Variants in SLC39A6 observed in about 807,000 individuals in gnomAD.
The protein encoded by SLC39A6 is solute carrier family 39 member 6.
Under a neutral mutation model 63.5 loss-of-function variants are expected in SLC39A6, and 51 were observed. That is an observed-to-expected ratio of 0.80 (90% CI 0.64 to 1.01). SLC39A6 has a LOEUF of 1.01. Ranked by LOEUF, SLC39A6 falls within the 50% of genes least tolerant of loss-of-function variation. The pLI is 0.00. For synonymous variants in SLC39A6, 318 were observed against 324.7 expected (o/e 0.98, Z 0.22); for missense variants, 805 against 927.8 (o/e 0.87, Z 1.72).
At chr18:36,120,895 AT>A (rs540153154) in intron 5 of SLC39A6, among the ~76,000 whole-genome samples, 35 of 151,434 alleles carry the variant, frequency 2.3e-4, no homozygotes, top group Non-Finnish European at 3.1e-4. Context: ...CACTGAATAA[AT>A]TTTTTTTTTA....
At chr18:36,110,045 G>A (rs2089288881) in intron 9 of SLC39A6, among the ~76,000 whole-genome samples, 1 of 152,144 alleles carries the variant, frequency 6.6e-6, no homozygotes, top group South Asian at 2.1e-4. Context: ...GTTACTGGCT[G>A]CATATCTGAA....
rs1184393320 is a variant in SLC39A6 at position 36,122,041 on chromosome 18, CT to C, written c.1359+10del. On this transcript the variant is annotated intron_variant, in intron 5 of 9. Transcript: ENST00000269187. ...TGAAGCATAGTAAGTACTCGGTATA[CT>C]TTTTCTTACCTTTTTCTTCTTATCT... The C allele has an allele frequency of 5.1e-6, 8 of 1,580,710 alleles. No homozygotes were observed. In the African/African-American group the frequency reaches 1.1e-4, roughly 21 times the overall value.
chr18:36,114,228 T>C lies in SLC39A6; in HGVS notation c.1712A>G (p.Gln571Arg), dbSNP rs759315118. 4.3e-6 allele frequency: 7 copies of C among 1,614,154 alleles called. 1 individual carries two copies. In the South Asian group the frequency reaches 7.7e-5, roughly 18 times the overall value. ...YHHILHHHHH[Q>R]NHHPHSHSQR... ...GCTGTGACTGTGAGGATGGTGGTTT[T>C]GGTGGTGGTGATGATGGAGAATATG... The change falls in exon 7 of 10, where the codon CAA (glutamine) becomes CGA (arginine). Residue 571 changes from glutamine to arginine, a missense_variant. Gln to Arg is a conservative substitution (Grantham distance 43). Coordinates refer to ENST00000269187, the MANE Select transcript of SLC39A6 (RefSeq NM_012319.4).
At chr18:36,116,611 T>A in intron 6 of SLC39A6, 63 bp downstream of exon 6, 1 of 1,130,588 alleles carries the variant, frequency 8.8e-7, no homozygotes, top group Non-Finnish European at 1.3e-6. Flanking sequence ...GATAGTCAAG[T>A]TGCCTGCAAA....
At position 36,126,257 on chromosome 18, in the gene SLC39A6, A is replaced by C. The variant is rs1489825871; in HGVS notation, c.751T>G (p.Phe251Val). The change falls in exon 2 of 10, where the codon TTT becomes GTT. Residue 251 changes from phenylalanine to valine, a missense_variant. By Grantham distance (50) the Phe-to-Val change is conservative. Coordinates refer to ENST00000269187, the MANE Select transcript of SLC39A6 (RefSeq NM_012319.4). ...TCATTTGTGTTTCTGGAATACATAA[A>C]GCCTTTTCGGGGCTCACTCACAGAT... Reference protein sequence around the residue: ...NESVSEPRKGFMYSRNTNENP... With the variant: ...NESVSEPRKGVMYSRNTNENP... 3 of 1,614,108 alleles carry C rather than the reference A, an allele frequency of 1.9e-6. No individual in the cohort carries two copies. The highest frequency in any genetic ancestry group is 2.5e-6 in the Non-Finnish European group (3 of 1,180,050).
At chr18:36,112,657 GTAACAAGAAAA>G in intron 7 of SLC39A6, 76 bp from the exon 8 acceptor site, 1 of 1,081,584 alleles carries the variant, frequency 9.2e-7, no homozygotes, top group Non-Finnish European at 1.4e-6. Context: ...GCAAAATGAG[GTAACAAGAAAA>G]TGGTATTTTG....
intron 4 of SLC39A6, 104 bp downstream of exon 4, chr18:36,123,391 A>G (rs2089409577): frequency 9.1e-7 from 1 of 1,095,270 alleles, no homozygotes; most frequent in Non-Finnish European, 1.3e-6. Flanking sequence ...GCTTTTCTAA[A>G]CCAAATTTCT....
chr18:36,128,199 G>T (rs2089462618), intron 1 of SLC39A6, among the ~76,000 whole-genome samples: 1 of 152,196 alleles, frequency 6.6e-6, no homozygotes, highest in African/African-American at 2.4e-5. Context: ...AGTTAATTCA[G>T]ATCCAGCAGG....
At chr18:36,113,244 A>G (rs1382927705) in intron 7 of SLC39A6, among the ~76,000 whole-genome samples, 3 of 151,736 alleles carry the variant, frequency 2.0e-5, no homozygotes, top group Non-Finnish European at 4.4e-5. Context: ...ACAGGTGTGT[A>G]CCACCATACC....
At chr18:36,113,990 A>G (rs1024601491) in intron 7 of SLC39A6, 107 bp downstream of exon 7, 33 of 1,333,442 alleles carry the variant, frequency 2.5e-5, no homozygotes, top group Non-Finnish European at 3.1e-5. Flanking sequence ...CTTGGAAGTC[A>G]CTAATATCCT....
Position 36,113,422 on chromosome 18 carries a change from C to A in SLC39A6, c.1843+675G>T, listed in dbSNP as rs543957411. On this transcript the variant is annotated intron_variant, in intron 7 of 9. Transcript: ENST00000269187. Reference sequence around the variant, plus strand: ...CCGACTGTGCAATCGGACATTCCTCCTTTGTCTGTTTCAGCTCTGCATAAT... The same window carrying A: ...CCGACTGTGCAATCGGACATTCCTCATTTGTCTGTTTCAGCTCTGCATAAT... Among the ~76,000 whole-genome samples the A allele has an allele frequency of 4.6e-5, 7 of 152,246 alleles. No homozygotes were observed. The East Asian group carries it at 1.2e-3, about 25-fold the overall frequency.
Position 36,126,254 on chromosome 18 carries a change from T to C in SLC39A6, c.754A>G (p.Met252Val), listed in dbSNP as rs1380913570. The C allele has an allele frequency of 6.2e-7, 1 of 1,614,226 alleles. No homozygotes were observed. The highest frequency in any genetic ancestry group is 8.5e-7 in the Non-Finnish European group (1 of 1,180,042). Reference protein sequence around the residue: ...ESVSEPRKGFMYSRNTNENPQ... With the variant: ...ESVSEPRKGFVYSRNTNENPQ... ...TTTTCATTTGTGTTTCTGGAATACATAAAGCCTTTTCGGGGCTCACTCACA... is the reference window on the plus strand; with the variant it reads ...TTTTCATTTGTGTTTCTGGAATACACAAAGCCTTTTCGGGGCTCACTCACA... Residue 252 changes from methionine (M) to valine (V), a missense_variant, in exon 2 of 10, where the codon ATG (methionine) becomes GTG (valine). This residue lies in a region of SLC39A6 where 639 missense variants were observed against 644.0 expected (regional missense o/e 0.99). Coordinates refer to ENST00000269187, the MANE Select transcript of SLC39A6 (RefSeq NM_012319.4).
rs2089285349 is a variant in SLC39A6, at chr18:36,109,667, T to A, written c.2194A>T (p.Met732Leu). 3 of 1,612,046 alleles carry A rather than the reference T, an allele frequency of 1.9e-6. No homozygotes were observed. The highest frequency in any genetic ancestry group is 2.5e-6 in the Non-Finnish European group (3 of 1,178,482). ...WGYFFLQNAG[M>L]LLGFGIMLLI... ...AACATAATTCCAAAACCCAAAAGCA[T>A]CCCAGCATTCTGTAAAAAGAAATAC... Residue 732 changes from methionine (M) to leucine (L), a missense_variant, in exon 10 of 10, where the codon ATG becomes TTG. By Grantham distance (15) the Met-to-Leu change is conservative. This residue lies in a region of SLC39A6 where 145 missense variants were observed against 227.2 expected (regional missense o/e 0.64). Transcript: ENST00000269187.
intron 2 of SLC39A6, 60 bp downstream of exon 2, chr18:36,126,159 A>G (rs2089435008): frequency 7.1e-7 from 1 of 1,415,100 alleles, no homozygotes; most frequent in Non-Finnish European, 9.8e-7. Context: ...CTAGAGATAG[A>G]GTAGCAGAGA....
intron 8 of SLC39A6, among the ~76,000 whole-genome samples, chr18:36,111,741 T>A (rs2089301925): frequency 6.6e-6 from 1 of 152,220 alleles, no homozygotes; most frequent in South Asian, 2.1e-4. Flanking sequence ...TGCCCCGGCC[T>A]CCCGAAGTGC....
chr18:36,128,815 A>C (rs1330825496), intron 1 of SLC39A6, among the ~76,000 whole-genome samples: 1 of 152,174 alleles, frequency 6.6e-6, no homozygotes, highest in African/African-American at 2.4e-5. Context: ...GCTCTCTTCT[A>C]AAAGCTTTTT....
chr18:36,114,250 T>C lies in SLC39A6; in HGVS notation c.1690A>G (p.Ile564Val), dbSNP rs1157779888. 3.7e-6 allele frequency: 6 copies of C among 1,614,010 alleles called. No homozygotes were observed. The highest frequency in any genetic ancestry group is 3.3e-5 in the Admixed American group (2 of 59,998). Reference sequence around the variant, plus strand: ...TTTTGGTGGTGGTGATGATGGAGAATATGATGGTAGTCATGATGGTGGTGA... The same window carrying C: ...TTTTGGTGGTGGTGATGATGGAGAACATGATGGTAGTCATGATGGTGGTGA... ...LIHHHHDYHH[I>V]LHHHHHQNHH... is the part of the protein sequence containing the mutation. Residue 564 changes from isoleucine to valine, a missense_variant, in exon 7 of 10, where the codon ATT (isoleucine) becomes GTT (valine). Ile to Val is a conservative substitution (Grantham distance 29, BLOSUM62 3). Around this residue, in one of 4 missense-constraint regions of SLC39A6, gnomAD observed 19 missense variants for 35.1 expected, o/e 0.54. Coordinates refer to ENST00000269187, the MANE Select transcript of SLC39A6 (RefSeq NM_012319.4).
intron 3 of SLC39A6, 49 bp downstream of exon 3, chr18:36,124,471 T>C (rs2089419042): frequency 8.1e-7 from 1 of 1,236,474 alleles, no homozygotes; most frequent in Non-Finnish European, 1.1e-6. Flanking sequence ...AAAAGCACAA[T>C]ATAAATGAAT....
At chr18:36,111,357 G>A (rs1353049657) in intron 8 of SLC39A6, 108 bp from the exon 9 acceptor site, 2 of 1,058,732 alleles carry the variant, frequency 1.9e-6, no homozygotes, top group Admixed American at 2.8e-5. Flanking sequence ...TTTTTGAGAG[G>A]GGGAAAAGAA....
Sources: allele counts gnomAD v4.1 joint callset (sites outside exome capture counted in the v4.1 genomes callset), GRCh38; gene constraint gnomAD v4.1.1; regional missense constraint gnomAD v4.1.1; transcripts MANE v1.5; gene names NCBI Gene and HGNC (gene_info 2026-07-23, HGNC 2026-07-21).